The following EXOC4 variants were observed in gnomAD, a reference collection of about 807,000 sequenced individuals.
EXOC4 encodes exocyst complex component 4, also known as SEC8-like 1.
A neutral mutation model predicts 107.2 loss-of-function variants in EXOC4; 71 were observed. The ratio of observed to expected loss-of-function variants is 0.66; its 90% CI spans 0.55 to 0.81. The LOEUF is 0.81. Among genes scored for constraint, EXOC4 ranks in the 30% least tolerant of loss-of-function variants. EXOC4 has a pLI of 0.00. For synonymous variants in EXOC4, 456 were observed against 441.2 expected, an observed-to-expected ratio of 1.03 and a Z score of -0.42; for missense variants, 1,108 against 1,189.6, an observed-to-expected ratio of 0.93 and a Z score of 1.01.
chr7:133,583,521 T>A (rs1801327277), intron 9 of EXOC4, among the ~76,000 whole-genome samples: 1 of 152,148 alleles, frequency 6.6e-6, no homozygotes, highest in Non-Finnish European at 1.5e-5. Context: ...TTGAGCTGAA[T>A]CTCAGAGTAC....
At chr7:133,436,048 G>GTTTT (rs5887624) in intron 7 of EXOC4, among the ~76,000 whole-genome samples, 3 of 142,762 alleles carry the variant, frequency 2.1e-5, no homozygotes, top group African/African-American at 7.8e-5. Context: ...TTATCTCAGT[G>GTTTT]TTTTTTTTTT....
At chr7:133,623,633 T>C (rs958882966) in intron 9 of EXOC4, among the ~76,000 whole-genome samples, 6 of 152,210 alleles carry the variant, frequency 3.9e-5, no homozygotes, top group Admixed American at 6.5e-5. Flanking sequence ...TGAAGGGGCT[T>C]GTTGCCTGGA....
intron 9 of EXOC4, among the ~76,000 whole-genome samples, chr7:133,530,880 A>T (rs577918988): frequency 2.0e-5 from 3 of 152,272 alleles, no homozygotes; most frequent in Admixed American, 2.0e-4. Flanking sequence ...ATCTGTGATG[A>T]TGGAGAGAGT....
Position 133,846,006 on chromosome 7 carries a change from T to C in EXOC4, c.1734+28462T>C, listed in dbSNP as rs192975575. Reference sequence around the variant, plus strand: ...AATGAATTCTGTAATAACTGCCTTTTAATCCTCACAGTCCCCCACACACAC... The same window carrying C: ...AATGAATTCTGTAATAACTGCCTTTCAATCCTCACAGTCCCCCACACACAC... On this transcript the variant is annotated intron_variant, in intron 11 of 17. Transcript: ENST00000253861. Among the ~76,000 whole-genome samples, 56 of 152,208 alleles carry C rather than the reference T, an allele frequency of 3.7e-4. No homozygotes were observed. In the East Asian group the frequency reaches 9.3e-3, roughly 25 times the overall value.
At chr7:133,925,701 A>G (rs1253549100) in intron 13 of EXOC4, among the ~76,000 whole-genome samples, 2 of 152,300 alleles carry the variant, frequency 1.3e-5, no homozygotes, top group Admixed American at 6.5e-5. Context: ...CAGAATTTTC[A>G]GGTGATAAAG....
chr7:133,963,537 A>G (rs1378279048), intron 14 of EXOC4, among the ~76,000 whole-genome samples: 6 of 152,180 alleles, frequency 3.9e-5, no homozygotes, highest in Non-Finnish European at 8.8e-5. Flanking sequence ...TGACAAATAG[A>G]TGTTGTGGGC....
At chr7:133,549,229 T>C (rs765473591) in intron 9 of EXOC4, among the ~76,000 whole-genome samples, 2 of 152,144 alleles carry the variant, frequency 1.3e-5, no homozygotes, top group African/African-American at 2.4e-5. Flanking sequence ...TGCCCTCAAG[T>C]GATCTGCCCG....
downstream of EXOC4, among the ~76,000 whole-genome samples, chr7:134,069,225 T>TCTTCTC (rs1394445764): frequency 1.8e-4 from 27 of 150,430 alleles, no homozygotes; most frequent in East Asian, 3.9e-3. Context: ...TTCTTCTCCT[T>TCTTCTC]CTTCTTCTCC....
chr7:133,705,936 G>A (rs907511311), intron 10 of EXOC4, among the ~76,000 whole-genome samples: 1 of 152,190 alleles, frequency 6.6e-6, no homozygotes, highest in Non-Finnish European at 1.5e-5. Context: ...GCCACAGAAA[G>A]CAAAACTGTA....
chr7:133,280,886 G>GA (rs1354628055), intron 2 of EXOC4, among the ~76,000 whole-genome samples: 1 of 152,174 alleles, frequency 6.6e-6, no homozygotes, highest in African/African-American at 2.4e-5. Context: ...AGAAAGGGAA[G>GA]AAGGCCTTTG....
At chr7:133,579,686 C>CTTTTT (rs11368284) in intron 9 of EXOC4, among the ~76,000 whole-genome samples, 14 of 139,796 alleles carry the variant, frequency 1.0e-4, no homozygotes, top group Non-Finnish European at 1.1e-4. Flanking sequence ...CACAACTTTA[C>CTTTTT]TTTTTTTTTT....
intron 9 of EXOC4, among the ~76,000 whole-genome samples, chr7:133,583,103 A>G (rs1387202037): frequency 6.6e-6 from 1 of 151,926 alleles, no homozygotes; most frequent in Non-Finnish European, 1.5e-5. Context: ...ATTTTACAAT[A>G]TTTTTCTTTT....
chr7:133,509,427 A>T (rs921502797), intron 9 of EXOC4, among the ~76,000 whole-genome samples: 2 of 139,996 alleles, frequency 1.4e-5, no homozygotes, highest in African/African-American at 5.5e-5. Flanking sequence ...GACTCCGTCT[A>T]AAAAAAAAAA....
At chr7:133,949,380 G>A (rs745975705) in intron 14 of EXOC4, among the ~76,000 whole-genome samples, 2 of 152,132 alleles carry the variant, frequency 1.3e-5, no homozygotes, top group Non-Finnish European at 2.9e-5. Context: ...GATTTGACTA[G>A]AGTTCTTAAC....
intron 7 of EXOC4, among the ~76,000 whole-genome samples, chr7:133,380,031 T>A (rs949666572): frequency 6.6e-6 from 1 of 151,754 alleles, no homozygotes; most frequent in African/African-American, 2.4e-5. Flanking sequence ...TAGGTGGGAA[T>A]TGAACAATGA....
chr7:133,480,190 T>G, intron 9 of EXOC4, 52 bp downstream of exon 9: 2 of 1,598,466 alleles, frequency 1.3e-6, no homozygotes, highest in Non-Finnish European at 1.7e-6. Flanking sequence ...GAGTATTTCC[T>G]TTATTACACA....
chr7:133,799,877 A>G (rs571643559), intron 10 of EXOC4, among the ~76,000 whole-genome samples: 121 of 152,212 alleles, frequency 7.9e-4, no homozygotes, highest in Non-Finnish European at 1.5e-3. Context: ...TTTGGAGATT[A>G]CTTTTCACCT....
chr7:133,612,955 A>T (rs1802105044), intron 9 of EXOC4, among the ~76,000 whole-genome samples: 2 of 152,180 alleles, frequency 1.3e-5, no homozygotes, highest in Admixed American at 1.3e-4. Flanking sequence ...TTGGCCCAGA[A>T]CAACATGGGT....
intron 10 of EXOC4, among the ~76,000 whole-genome samples, chr7:133,696,487 A>G (rs1794535818): frequency 6.6e-6 from 1 of 152,222 alleles, no homozygotes; most frequent in Non-Finnish European, 1.5e-5. Context: ...TTCAGTTTGC[A>G]CTGTAGGTTT....
Sources: allele counts gnomAD v4.1 joint callset (sites outside exome capture counted in the v4.1 genomes callset), GRCh38; gene constraint gnomAD v4.1.1; transcripts MANE v1.5; gene names NCBI Gene and HGNC (gene_info 2026-07-23, HGNC 2026-07-21).